Variants in CUX2 observed in about 807,000 individuals in gnomAD.
The protein encoded by CUX2 is cut like homeobox 2, also known as homeobox protein cut-like 2.
Under a neutral mutation model 144.8 loss-of-function variants are expected in CUX2, and 40 were observed. The ratio of observed to expected loss-of-function variants is 0.28; its 90% confidence interval spans 0.21 to 0.36. The LOEUF is 0.36. Among genes scored for constraint, CUX2 ranks in the 10% least tolerant of loss-of-function variants. The pLI, the probability that CUX2 is intolerant of heterozygous loss-of-function variation, is 1.00. For synonymous variants in CUX2, 827 were observed against 875.6 expected, an observed-to-expected ratio of 0.94 and a Z score of 0.98; for missense variants, 1,615 against 1,994.0, an observed-to-expected ratio of 0.81 and a Z score of 3.62.
intron 1 of CUX2, among the ~76,000 whole-genome samples, chr12:111,195,101 A>G (rs921139729): frequency 4.6e-5 from 7 of 152,304 alleles, no homozygotes; most frequent in Middle Eastern, 3.4e-3. Context: ...GCCAGCCAGC[A>G]CCTGCAGTCA....
intron 14 of CUX2, among the ~76,000 whole-genome samples, chr12:111,309,556 C>T (rs968135012): frequency 1.3e-5 from 2 of 151,962 alleles, no homozygotes; most frequent in African/African-American, 4.8e-5. Flanking sequence ...AGCTGCTGGA[C>T]GCCTATAGCA....
intron 4 of CUX2, among the ~76,000 whole-genome samples, chr12:111,265,904 G>T (rs764854975): frequency 6.6e-6 from 1 of 151,970 alleles, no homozygotes; most frequent in Non-Finnish European, 1.5e-5. Context: ...TCAGCTGTCC[G>T]ACTGCAAAAC....
intron 3 of CUX2, among the ~76,000 whole-genome samples, chr12:111,237,482 G>A (rs1454554778): frequency 6.6e-6 from 1 of 152,140 alleles, no homozygotes; most frequent in African/African-American, 2.4e-5. Context: ...TCACAACCGT[G>A]CCCGACTCGA....
At chr12:111,301,743 A>G (rs992106947) in intron 9 of CUX2, among the ~76,000 whole-genome samples, 1 of 152,160 alleles carries the variant, frequency 6.6e-6, no homozygotes, top group Non-Finnish European at 1.5e-5. Flanking sequence ...GTCTCAAGCA[A>G]TCCTCTCACA....
At chr12:111,062,538 G>GTGGGCC (rs1870828032) in intron 1 of CUX2, among the ~76,000 whole-genome samples, 1 of 152,202 alleles carries the variant, frequency 6.6e-6, no homozygotes, top group African/African-American at 2.4e-5. Flanking sequence ...AGCACCTACT[G>GTGGGCC]TGGGCCTGGG....
chr12:111,220,383 T>G (rs1881781507), intron 3 of CUX2, among the ~76,000 whole-genome samples: 1 of 152,116 alleles, frequency 6.6e-6, no homozygotes. Flanking sequence ...AGGGTTTTTT[T>G]TCCTGTAGGA....
At position 111,331,122 on chromosome 12, in the gene CUX2, G is replaced by T. The variant is rs115190077; in HGVS notation, c.2927-3319G>T. Among the ~76,000 whole-genome samples, 370 of 151,934 alleles carry T rather than the reference G, an allele frequency of 2.4e-3. 2 individuals are homozygous for T. Among genetic ancestry groups the T allele is most frequent in the African/African-American group, 8.6e-3 (355 of 41,458 alleles). On this transcript the variant is annotated intron_variant, in intron 18 of 21. Transcript: ENST00000261726. ...GTAGCTCCAGTTGGCAGGGACAAGG[G>T]AGTTCAGAGCCTTAATCACCAAGAC...
chr12:111,147,876 AG>A (rs1555274157), intron 1 of CUX2, among the ~76,000 whole-genome samples: 1 of 152,204 alleles, frequency 6.6e-6, no homozygotes, highest in Non-Finnish European at 1.5e-5. Flanking sequence ...TCCCAGACAC[AG>A]GGGCTGACTT....
intron 3 of CUX2, among the ~76,000 whole-genome samples, chr12:111,232,240 G>A (rs1220497819): frequency 6.6e-6 from 1 of 151,844 alleles, no homozygotes; most frequent in East Asian, 1.9e-4. Flanking sequence ...GGAGGGTTGG[G>A]CACAATGGTT....
At chr12:111,321,683 C>G (rs1010822863) in intron 17 of CUX2, among the ~76,000 whole-genome samples, 6 of 151,892 alleles carry the variant, frequency 4.0e-5, no homozygotes, top group Non-Finnish European at 8.8e-5. Context: ...CCTCATCCCC[C>G]CAAAAATAAA....
chr12:111,220,150 A>C (rs1195275842), intron 3 of CUX2, among the ~76,000 whole-genome samples: 1 of 152,104 alleles, frequency 6.6e-6, no homozygotes. Context: ...TCTCAAAAAA[A>C]AAAAAAAATT....
chr12:111,271,317 A>G (rs1316244501), intron 4 of CUX2, among the ~76,000 whole-genome samples: 2 of 152,214 alleles, frequency 1.3e-5, no homozygotes, highest in Non-Finnish European at 2.9e-5. Context: ...CTAGAAAAGC[A>G]TTTTGTTGTT....
chr12:111,060,828 T>C (rs1870734595), intron 1 of CUX2, among the ~76,000 whole-genome samples: 3 of 152,206 alleles, frequency 2.0e-5, no homozygotes, highest in African/African-American at 4.8e-5. Context: ...AGTTAGGCCA[T>C]GGTGGTCACC....
At chr12:111,228,190 C>G (rs1425456164) in intron 3 of CUX2, among the ~76,000 whole-genome samples, 1 of 152,154 alleles carries the variant, frequency 6.6e-6, no homozygotes, top group African/African-American at 2.4e-5. Context: ...ACATCATGCA[C>G]AGGAGTTACC....
At chr12:111,213,095 T>C (rs896763256) in intron 1 of CUX2, among the ~76,000 whole-genome samples, 2 of 152,246 alleles carry the variant, frequency 1.3e-5, no homozygotes, top group African/African-American at 4.8e-5. Context: ...TGTGTGTTTT[T>C]AATAAATCTG....
Position 111,342,063 on chromosome 12 carries a change from T to G in CUX2, c.3659+10T>G, listed in dbSNP as rs1565934568. The G allele has an allele frequency of 6.2e-7, 1 of 1,605,458 alleles. No individual in the cohort carries two copies. The highest frequency in any genetic ancestry group is 1.3e-5 in the African/African-American group (1 of 74,814). On this transcript the variant is annotated intron_variant, in intron 21 of 21. Transcript: ENST00000261726. Reference sequence around the variant, plus strand: ...GGTTCCACAACTACAGGTGGGACTATGGGGGCGTACCCACAGGCGGGTGGC... The same window carrying G: ...GGTTCCACAACTACAGGTGGGACTAGGGGGGCGTACCCACAGGCGGGTGGC...
intron 1 of CUX2, among the ~76,000 whole-genome samples, chr12:111,080,994 C>A (rs940790805): frequency 6.6e-6 from 1 of 152,168 alleles, no homozygotes; most frequent in Non-Finnish European, 1.5e-5. Context: ...TAACTGTCGG[C>A]TCCTAAAATT....
At chr12:111,265,652 C>G (rs1884348870) in intron 4 of CUX2, among the ~76,000 whole-genome samples, 1 of 151,988 alleles carries the variant, frequency 6.6e-6, no homozygotes, top group Admixed American at 6.6e-5. Context: ...CAAAACTTTC[C>G]CTTGTTTTAA....
chr12:111,320,389 G>A lies in CUX2; in HGVS notation c.2380G>A (p.Gly794Ser). 1 of 1,597,954 alleles carries A rather than the reference G, an allele frequency of 6.3e-7. No homozygotes were observed. The highest frequency in any genetic ancestry group is 8.5e-7 in the Non-Finnish European group (1 of 1,179,112). ...YFDHHWASDR[G>S]LLSRPYASVS... ...CGACCACCACTGGGCCTCCGACCGC[G>A]GCCTGCTCAGCCGCCCCTACGCCTC... The change falls in exon 17 of 22, where the codon GGC (glycine) becomes AGC (serine). Residue 794 changes from glycine to serine, a missense_variant. Transcript: ENST00000261726. This position sits in a 1 kb window ranked among gnomAD's most constrained non-coding sequence, Gnocchi z 8.1.
Sources: gnomAD v4.1 joint callset for allele counts (sites outside exome capture counted in the v4.1 genomes callset) on GRCh38, gnomAD v4.1.1 for gene constraint, Gnocchi (gnomAD v3.1) non-coding constraint, MANE v1.5 for transcripts, NCBI Gene and HGNC (gene_info 2026-07-23, HGNC 2026-07-21) for gene names.